Variants in SEMA3B observed in about 807,000 individuals in gnomAD.
The protein encoded by SEMA3B is semaphorin-3B.
In SEMA3B, 71 loss-of-function variants were observed where a neutral mutation model predicts 77.8. The ratio of observed to expected loss-of-function variants is 0.91; its 90% CI spans 0.75 to 1.11. The LOEUF (loss-of-function observed/expected upper bound fraction) is 1.11. SEMA3B is among the 50% of genes most tolerant of loss of function. SEMA3B has a pLI of 0.00. For missense variants in SEMA3B, 968 were observed against 1,056.8 expected, an observed-to-expected ratio of 0.92 and a Z score of 1.17; for synonymous variants, 470 against 452.9, an observed-to-expected ratio of 1.04 and a Z score of -0.48.
chr3:50,276,728 A>G lies in SEMA3B; in HGVS notation c.*22A>G. On this transcript the variant is annotated 3_prime_UTR_variant, in exon 17 of 17. Coordinates refer to ENST00000616701, the MANE Select transcript of SEMA3B (RefSeq NM_001290060.2). This position sits in a 1 kb window ranked among gnomAD's most constrained non-coding sequence, Gnocchi z 5.8. ...GTGACCAGACTGTCCCCACGCCGGG[A>G]ACCAAGCAGGAGACGACAGGCGAGA... The G allele has an allele frequency of 6.8e-7, 1 of 1,471,684 alleles. No homozygotes were observed. Among genetic ancestry groups the G allele is most frequent in the Non-Finnish European group, 8.9e-7 (1 of 1,120,870 alleles). The allele number at this position is 1,471,684 out of a possible 1,614,324, so 91.2% of individuals were successfully genotyped here.
Position 50,275,382 on chromosome 3 carries a change from C to A in SEMA3B, c.1572C>A (p.Thr524=), listed in dbSNP as rs893645572. Residue 524 remains threonine (T), a synonymous_variant, in exon 14 of 17, where the codon ACC becomes ACA. Transcript: ENST00000616701. This position sits in a 1 kb window ranked among gnomAD's most constrained non-coding sequence, Gnocchi z 7.5. ...GCGCTGCCCACGGCCGCGTCTGCAC[C>A]GAATGCTGTCTGGCGCGTGACCCCT... ...HRCAAHGRVC[T]ECCLARDPYC... 5.0e-6 allele frequency: 8 copies of A among 1,590,168 alleles called. No homozygotes were observed. Among genetic ancestry groups the A allele is most frequent in the Non-Finnish European group, 6.0e-6 (7 of 1,169,454 alleles).
At position 50,274,993 on chromosome 3, in the gene SEMA3B, C is replaced by T. The variant is rs782609993; in HGVS notation, c.1450-19C>T. 7 of 1,593,198 alleles carry T rather than the reference C, an allele frequency of 4.4e-6. No homozygotes were observed. The South Asian group carries it at 7.8e-5, about 18-fold the overall frequency. ...CCACCCCACTAAGCCCTGACCCCGT[C>T]GCCCCTCCTCCCTCTCAGGACTCGG... On this transcript the variant is annotated intron_variant, in intron 12 of 16. Coordinates refer to ENST00000616701, the MANE Select transcript of SEMA3B (RefSeq NM_001290060.2). This position sits in a 1 kb window ranked among gnomAD's most constrained non-coding sequence, Gnocchi z 4.7.
Position 50,271,435 on chromosome 3 carries a change from C to A in SEMA3B, c.619C>A (p.Arg207Ser), listed in dbSNP as rs373526880. Residue 207 changes from arginine (R) to serine (S), a missense_variant, in exon 6 of 17, where the codon CGT becomes AGT. Transcript: ENST00000616701. ...TACCATCTTTCGCAGCCTAGGGCAACGTCCAAGTCTCCGAACAGAGCCACA... is the reference window on the plus strand; with the variant it reads ...TACCATCTTTCGCAGCCTAGGGCAAAGTCCAAGTCTCCGAACAGAGCCACA... The part of the protein sequence containing the change: ...DFTIFRSLGQ[R>S]PSLRTEPHDS... 6.3e-7 allele frequency: 1 copy of A among 1,584,892 alleles called. No homozygotes were observed. Among genetic ancestry groups the A allele is most frequent in the East Asian group, 2.3e-5 (1 of 43,340 alleles).
At position 50,270,221 on chromosome 3, in the gene SEMA3B, T is replaced by G. The variant is rs1701009139; in HGVS notation, c.204T>G (p.Phe68Leu). Residue 68 changes from phenylalanine to leucine, a missense_variant, in exon 2 of 17, where the codon TTT becomes TTG. Transcript: ENST00000616701. This position sits in a 1 kb window ranked among gnomAD's most constrained non-coding sequence, Gnocchi z 4.7. ...TGGATGAGGAGCGTGGACGCCTGTT[T>G]GTGGGTGCCGAGAACCATGTGGCCT... The part of the protein sequence containing the change: ...LLVDEERGRL[F>L]VGAENHVASL... The G allele has an allele frequency of 6.2e-7, 1 of 1,611,678 alleles. No homozygotes were observed. Among genetic ancestry groups the G allele is most frequent in the African/African-American group, 1.3e-5 (1 of 74,856 alleles).
In SEMA3B at chr3:50,270,945, T is replaced by C. The variant is rs782504355; in HGVS notation, c.386T>C (p.Leu129Pro). 6.2e-7 allele frequency: 1 copy of C among 1,611,908 alleles called. No individual in the cohort carries two copies. The highest frequency in any genetic ancestry group is 8.5e-7 in the Non-Finnish European group (1 of 1,179,012). ...CATGCCTACAACCGCACCCATTTGC[T>C]GGCCTGTGGCACGGGAGCCTTCCAC... ...LLHAYNRTHLLACGTGAFHPT... is the reference protein window; with the variant it reads ...LLHAYNRTHLPACGTGAFHPT... Residue 129 changes from leucine to proline, a missense_variant, in exon 4 of 17, where the codon CTG (leucine) becomes CCG (proline). Physicochemically the swap from Leu to Pro is moderately conservative, Grantham distance 98 (BLOSUM62 -3). Transcript: ENST00000616701. The surrounding 1 kb of genome is among the most constrained non-coding windows in gnomAD (Gnocchi z 4.7).
chr3:50,267,864 T>G (rs1700942592), upstream of SEMA3B: 1 of 152,446 alleles, frequency 6.6e-6, no homozygotes, highest in Non-Finnish European at 1.5e-5. The surrounding 1 kb of genome is among the most constrained non-coding windows in gnomAD (Gnocchi z 5.7). Context: ...GCCTGGAACC[T>G]GCCTCAGCAG....
In SEMA3B at chr3:50,273,013, G is replaced by C. The variant is rs1023764465; in HGVS notation, c.665-285G>C. 2 of 435,558 alleles carry C rather than the reference G, an allele frequency of 4.6e-6. No individual in the cohort carries two copies. The highest frequency in any genetic ancestry group is 8.3e-6 in the Non-Finnish European group (2 of 240,856). 27.0% of individuals were successfully genotyped at this position (435,558 alleles called of 1,614,324 possible). On this transcript the variant is annotated intron_variant, in intron 6 of 16. Transcript: ENST00000616701. The surrounding 1 kb of genome is among the most constrained non-coding windows in gnomAD (Gnocchi z 6.5). ...CCTCCTACCCCAGCCTAAGGTGCTG[G>C]GCGACGTGTGGGGCGAGATCGGAGG...
chr3:50,275,486 G>A lies in SEMA3B; in HGVS notation c.1649+27G>A, dbSNP rs1265305651. On this transcript the variant is annotated intron_variant, in intron 14 of 16. Coordinates refer to ENST00000616701, the MANE Select transcript of SEMA3B (RefSeq NM_001290060.2). This position sits in a 1 kb window ranked among gnomAD's most constrained non-coding sequence, Gnocchi z 7.5. The stretch of plus-strand genomic sequence containing the variant: ...TGGGCGGGGTCGGGGTTGGGCCGCC[G>A]GGAGGGAGGCGAAGGGTCTTTCACT... 3 of 1,606,602 alleles carry A rather than the reference G, an allele frequency of 1.9e-6. No homozygotes were observed. Among genetic ancestry groups the A allele is most frequent in the Non-Finnish European group, 2.6e-6 (3 of 1,174,772 alleles).
At position 50,275,242 on chromosome 3, in the gene SEMA3B, C is replaced by T; in HGVS notation, c.1492-60C>T. ...GTCGAGTGGAAGAAGGGATCCCTGA[C>T]CGATGGGAGGCAGGCGTGGGGTCGC... On this transcript the variant is annotated intron_variant, in intron 13 of 16. Coordinates refer to ENST00000616701, the MANE Select transcript of SEMA3B (RefSeq NM_001290060.2). This position sits in a 1 kb window ranked among gnomAD's most constrained non-coding sequence, Gnocchi z 7.5. The T allele has an allele frequency of 6.8e-7, 1 of 1,474,302 alleles. No homozygotes were observed. Among genetic ancestry groups the T allele is most frequent in the Non-Finnish European group, 9.0e-7 (1 of 1,108,742 alleles). 91.3% of individuals were successfully genotyped at this position (1,474,302 alleles called of 1,614,324 possible).
At chr3:50,260,337 G>C in the SEMA3B span, 1 of 152,272 alleles carries the variant, frequency 6.6e-6, no homozygotes, top group Non-Finnish European at 1.5e-5. Flanking sequence ...AGGGAGGGAG[G>C]GTTGGAGGGT....
rs782236361 is a variant in SEMA3B, at chr3:50,269,441, C to T, written c.109+92C>T. On this transcript the variant is annotated intron_variant, in intron 1 of 16. Coordinates refer to ENST00000616701, the MANE Select transcript of SEMA3B (RefSeq NM_001290060.2). The surrounding 1 kb of genome is among the most constrained non-coding windows in gnomAD (Gnocchi z 4.0). ...GGGGGCTCTGTGTTGGCTGTTGCCC[C>T]ATGTGCGTGCCTGTCACCAGACTCT... The T allele has an allele frequency of 1.1e-5, 8 of 748,256 alleles. No homozygotes were observed. The highest frequency in any genetic ancestry group is 3.6e-5 in the African/African-American group (2 of 55,792). The allele number at this position is 748,256 out of a possible 1,614,324, so 46.4% of individuals were successfully genotyped here.
Position 50,271,350 on chromosome 3 carries a change from T to A in SEMA3B, c.545-11T>A, listed in dbSNP as rs1701042574. On this transcript the variant is annotated splice_polypyrimidine_tract_variant and intron_variant, in intron 5 of 16. Coordinates refer to ENST00000616701, the MANE Select transcript of SEMA3B (RefSeq NM_001290060.2). ...CTCCATTTGCCTGAGTGGCCCTTGC[T>A]CTGTCTGCAGGGGAGGAGCTATACT... 2 of 1,565,694 alleles carry A rather than the reference T, an allele frequency of 1.3e-6. No homozygotes were observed. Among genetic ancestry groups the A allele is most frequent in the East Asian group, 2.4e-5 (1 of 42,028 alleles).
rs1701026950 is a variant in SEMA3B, at chr3:50,270,830, G to A, written c.331-60G>A. On this transcript the variant is annotated intron_variant, in intron 3 of 16. Transcript: ENST00000616701. This position sits in a 1 kb window ranked among gnomAD's most constrained non-coding sequence, Gnocchi z 4.7. ...AGGGAGGGGTGAGGATGCCACTGGT[G>A]AGCTGGGACCTCTTAAGGCTACGTC... The A allele has an allele frequency of 1.3e-6, 2 of 1,549,598 alleles. No homozygotes were observed. The highest frequency in any genetic ancestry group is 1.4e-5 in the African/African-American group (1 of 73,146).
chr3:50,270,081 G>T lies in SEMA3B; in HGVS notation c.110-46G>T. 1.3e-6 allele frequency: 2 copies of T among 1,489,666 alleles called. No individual in the cohort carries two copies. Among genetic ancestry groups the T allele is most frequent in the Non-Finnish European group, 9.0e-7 (1 of 1,116,946 alleles). 92.3% of individuals were successfully genotyped at this position (1,489,666 alleles called of 1,614,324 possible). On this transcript the variant is annotated intron_variant, in intron 1 of 16. Transcript: ENST00000616701. The surrounding 1 kb of genome is among the most constrained non-coding windows in gnomAD (Gnocchi z 4.7). ...CACCACCAGGCAGGACCTGGGGGAGGCTTCCAGCATGGCTGGCGAGTCATC... is the reference window on the plus strand; with the variant it reads ...CACCACCAGGCAGGACCTGGGGGAGTCTTCCAGCATGGCTGGCGAGTCATC...
rs782057894 is a variant in SEMA3B, at chr3:50,275,787, G to A, written c.1788G>A (p.Ser596=). The change falls in exon 16 of 17, where the codon TCG becomes TCA. Residue 596 remains serine (S), a synonymous_variant. Transcript: ENST00000616701. This position sits in a 1 kb window ranked among gnomAD's most constrained non-coding sequence, Gnocchi z 7.5. ...CCTTTCTGGAGTGTGAGCCCCGCTCGCTGCAGGCGCGCGTGGAGTGGACTT... is the reference window on the plus strand; with the variant it reads ...CCTTTCTGGAGTGTGAGCCCCGCTCACTGCAGGCGCGCGTGGAGTGGACTT... ...SSAFLECEPR[S]LQARVEWTFQ... The A allele has an allele frequency of 3.7e-6, 6 of 1,612,116 alleles. No homozygotes were observed. In the East Asian group the frequency reaches 8.9e-5, roughly 24 times the overall value.
At position 50,270,874 on chromosome 3, in the gene SEMA3B, C is replaced by T. The variant is rs782241115; in HGVS notation, c.331-16C>T. Reference sequence around the variant, plus strand: ...CTACGTCCCTGGGGGAAGCCTCACACCTCCAACCCTACTAGACTGAGTGCA... The same window carrying T: ...CTACGTCCCTGGGGGAAGCCTCACATCTCCAACCCTACTAGACTGAGTGCA... On this transcript the variant is annotated splice_polypyrimidine_tract_variant and intron_variant, in intron 3 of 16. Coordinates refer to ENST00000616701, the MANE Select transcript of SEMA3B (RefSeq NM_001290060.2). The surrounding 1 kb of genome is among the most constrained non-coding windows in gnomAD (Gnocchi z 4.7). 4 of 1,586,712 alleles carry T rather than the reference C, an allele frequency of 2.5e-6. No individual in the cohort carries two copies. The highest frequency in any genetic ancestry group is 1.7e-4 in the Middle Eastern group (1 of 6,042).
chr3:50,263,655 AGAATGACCCCAGG>A (rs1700860053), upstream of SEMA3B, among the ~76,000 whole-genome samples: 1 of 152,054 alleles, frequency 6.6e-6, no homozygotes, highest in Admixed American at 6.6e-5. Context: ...GAGAAATGAC[AGAATGACCCCAGG>A]GATACAGCCT....
chr3:50,276,473 C>A lies in SEMA3B; in HGVS notation c.2017C>A (p.Arg673=). 1 of 1,531,422 alleles carries A rather than the reference C, an allele frequency of 6.5e-7. No homozygotes were observed. Among genetic ancestry groups the A allele is most frequent in the Non-Finnish European group, 8.7e-7 (1 of 1,143,580 alleles). 94.9% of individuals were successfully genotyped at this position (1,531,422 alleles called of 1,614,324 possible). The stretch of plus-strand genomic sequence containing the variant: ...TGCTACGCAGGCCGAACGACTGGCG[C>A]GGGCCGAGGAGGCTGCGCCCGCCGC... ...LSATQAERLA[R]AEEAAPAAPP... The change falls in exon 17 of 17, where the codon CGG becomes AGG. Residue 673 remains arginine, a synonymous_variant. Coordinates refer to ENST00000616701, the MANE Select transcript of SEMA3B (RefSeq NM_001290060.2). The surrounding 1 kb of genome is among the most constrained non-coding windows in gnomAD (Gnocchi z 5.8).
Position 50,276,586 on chromosome 3 carries a change from C to T in SEMA3B, c.2130C>T (p.Cys710=). The T allele has an allele frequency of 1.3e-6, 2 of 1,561,998 alleles. No individual in the cohort carries two copies. Among genetic ancestry groups the T allele is most frequent in the Non-Finnish European group, 8.6e-7 (1 of 1,159,882 alleles). The change falls in exon 17 of 17, where the codon TGC becomes TGT. Residue 710 remains cysteine, a synonymous_variant. Coordinates refer to ENST00000616701, the MANE Select transcript of SEMA3B (RefSeq NM_001290060.2). This position sits in a 1 kb window ranked among gnomAD's most constrained non-coding sequence, Gnocchi z 5.8. ...GGGSANSLRM[C]RPQPALQSLP... ...GCAGCGCGAACTCCCTGCGCATGTG[C>T]CGCCCGCAGCCTGCGCTGCAGTCAC...
Sources: allele counts gnomAD v4.1 joint callset (sites outside exome capture counted in the v4.1 genomes callset), GRCh38; gene constraint gnomAD v4.1.1; non-coding constraint Gnocchi (gnomAD v3.1); transcripts MANE v1.5; gene names NCBI Gene and HGNC (gene_info 2026-07-23, HGNC 2026-07-21).